FHIT: variants seen among roughly 807,000 people sequenced by gnomAD.
FHIT encodes the protein fragile histidine triad diadenosine triphosphatase.
Under a neutral mutation model 17.9 loss-of-function variants are expected in FHIT, and 19 were observed. That is an observed-to-expected ratio of 1.06 (90% confidence interval 0.74 to 1.56). The LOEUF (loss-of-function observed/expected upper bound fraction) is 1.56. FHIT is among the 40% of genes most tolerant of loss of function. The pLI is 0.00. For missense variants in FHIT, 248 were observed against 189.2 expected (o/e 1.31, Z -1.82); for synonymous variants, 81 against 69.7 (o/e 1.16, Z -0.81).
intron 5 of FHIT, among the ~76,000 whole-genome samples, chr3:60,298,980 G>A (rs1347168821): frequency 6.6e-6 from 1 of 152,070 alleles, no homozygotes; most frequent in Non-Finnish European, 1.5e-5. Flanking sequence ...TCCTTTGAAT[G>A]TAGCAATCCA....
intron 5 of FHIT, among the ~76,000 whole-genome samples, chr3:60,126,040 T>C (rs2178930): frequency 0.61 from 92,643 of 151,890 alleles, 28,569 homozygotes; most frequent in African/African-American, 0.65. Flanking sequence ...TTCTGGCTTC[T>C]CCTGCAAGTT....
At chr3:60,353,572 A>G (rs1186431486) in intron 5 of FHIT, among the ~76,000 whole-genome samples, 1 of 152,204 alleles carries the variant, frequency 6.6e-6, no homozygotes, top group Non-Finnish European at 1.5e-5. Context: ...AAGCATGAAT[A>G]CTGCTTGGCA....
intron 4 of FHIT, among the ~76,000 whole-genome samples, chr3:60,814,489 A>G (rs1701669682): frequency 6.6e-6 from 1 of 152,174 alleles, no homozygotes; most frequent in Non-Finnish European, 1.5e-5. Flanking sequence ...TTAAATTGCT[A>G]GGATAATGGT....
intron 7 of FHIT, among the ~76,000 whole-genome samples, chr3:59,981,742 C>T (rs1317197947): frequency 6.6e-6 from 1 of 152,092 alleles, no homozygotes; most frequent in East Asian, 1.9e-4. Context: ...ACACATAAAA[C>T]ATTTAATGTG....
chr3:59,986,876 T>C (rs1256053514), intron 7 of FHIT, among the ~76,000 whole-genome samples: 1 of 109,428 alleles, frequency 9.1e-6, no homozygotes, highest in African/African-American at 3.6e-5. Context: ...AAATATTTCA[T>C]ATTTTTATAT....
At chr3:59,835,181 T>C (rs1037886587) in intron 8 of FHIT, among the ~76,000 whole-genome samples, 1 of 152,152 alleles carries the variant, frequency 6.6e-6, no homozygotes, top group Admixed American at 6.5e-5. Context: ...TGGGCCAAAA[T>C]AGTCATTACC....
rs1297498775 is a variant in FHIT at position 60,761,043 on chromosome 3, T to C, written c.-18+60876A>G. ...TAGCTTTCTTATAAATTATCCCCAGTATGTAAAAGCCCAGCTCCTAGATAT... is the reference window on the plus strand; with the variant it reads ...TAGCTTTCTTATAAATTATCCCCAGCATGTAAAAGCCCAGCTCCTAGATAT... On this transcript the variant is annotated intron_variant, in intron 4 of 9. Coordinates refer to ENST00000492590, the MANE Select transcript of FHIT (RefSeq NM_002012.4). 2.0e-5 allele frequency among the ~76,000 whole-genome samples: 3 copies of C among 152,042 alleles called. No individual in the cohort carries two copies. The East Asian group carries it at 5.8e-4, about 29-fold the overall frequency.
chr3:60,028,729 T>C (rs1337565841), intron 5 of FHIT, among the ~76,000 whole-genome samples: 1 of 152,168 alleles, frequency 6.6e-6, no homozygotes, highest in African/African-American at 2.4e-5. Context: ...CCAATTGCGC[T>C]GATGTTCAGG....
rs113083968 is a variant in FHIT at position 61,005,432 on chromosome 3, C to CTGGTGA, written c.-111+36609_-111+36614dup. On this transcript the variant is annotated intron_variant, in intron 3 of 9. Coordinates refer to ENST00000492590, the MANE Select transcript of FHIT (RefSeq NM_002012.4). The stretch of plus-strand genomic sequence containing the variant: ...GATTGTGATGGTGATGGTGATGGTA[C>CTGGTGA]TGGTGATGGTGATGGTGATGGTGAC... Among the ~76,000 whole-genome samples, 286 of 151,940 alleles carry CTGGTGA rather than the reference C, an allele frequency of 1.9e-3. 1 individual carries two copies. Among genetic ancestry groups the CTGGTGA allele is most frequent in the Middle Eastern group, 3.4e-3 (1 of 294 alleles).
chr3:60,273,490 C>T (rs1706969330), intron 5 of FHIT, among the ~76,000 whole-genome samples: 1 of 151,910 alleles, frequency 6.6e-6, no homozygotes, highest in South Asian at 2.1e-4. Flanking sequence ...GGTGCCTGTC[C>T]TCCCAGCTAC....
chr3:61,197,884 T>C (rs1312387611), intron 2 of FHIT, among the ~76,000 whole-genome samples: 1 of 148,692 alleles, frequency 6.7e-6, no homozygotes, highest in Non-Finnish European at 1.5e-5. Flanking sequence ...TACATACACC[T>C]TCTTTGAGAG....
intron 3 of FHIT, among the ~76,000 whole-genome samples, chr3:60,822,665 G>T (rs151037568): frequency 2.2e-4 from 33 of 152,116 alleles, no homozygotes; most frequent in South Asian, 4.2e-4. Context: ...TATTTGAAGG[G>T]TACATTTATG....
chr3:60,360,704 A>C (rs1699872371), intron 5 of FHIT, among the ~76,000 whole-genome samples: 1 of 152,150 alleles, frequency 6.6e-6, no homozygotes, highest in Non-Finnish European at 1.5e-5. Context: ...TTTAATTCAA[A>C]ATCAATATGG....
intron 8 of FHIT, among the ~76,000 whole-genome samples, chr3:59,769,070 A>T (rs899433095): frequency 7.9e-5 from 12 of 152,234 alleles, no homozygotes; most frequent in African/African-American, 2.4e-4. Flanking sequence ...CTGCCAGCAG[A>T]AGGGCAAATA....
intron 3 of FHIT, among the ~76,000 whole-genome samples, chr3:60,922,166 G>C (rs1553768570): frequency 6.6e-6 from 1 of 152,172 alleles, no homozygotes; most frequent in Non-Finnish European, 1.5e-5. Flanking sequence ...TGACTTGGAA[G>C]GACTGCCTAT....
At chr3:59,815,896 A>C (rs1323060973) in intron 8 of FHIT, among the ~76,000 whole-genome samples, 1 of 152,212 alleles carries the variant, frequency 6.6e-6, no homozygotes, top group African/African-American at 2.4e-5. Context: ...AAATAAAAAA[A>C]AAATTTAAAT....
At chr3:59,961,357 A>C (rs1323565876) in intron 7 of FHIT, among the ~76,000 whole-genome samples, 2 of 152,160 alleles carry the variant, frequency 1.3e-5, no homozygotes. Flanking sequence ...GAGCACTAAA[A>C]TTTAACTAAC....
At chr3:61,037,663 G>A (rs1283170988) in intron 3 of FHIT, among the ~76,000 whole-genome samples, 3 of 152,198 alleles carry the variant, frequency 2.0e-5, no homozygotes, top group Non-Finnish European at 4.4e-5. Flanking sequence ...TATCAGAGAA[G>A]TGGGTTAGTT....
intron 4 of FHIT, among the ~76,000 whole-genome samples, chr3:60,576,217 A>C (rs1553657556): frequency 1.5e-5 from 2 of 134,480 alleles, no homozygotes; most frequent in African/African-American, 5.5e-5. Context: ...GAAATTAAGA[A>C]TATGATTGGT....
Sources: allele counts gnomAD v4.1 joint callset (sites outside exome capture counted in the v4.1 genomes callset), GRCh38; gene constraint gnomAD v4.1.1; transcripts MANE v1.5; gene names NCBI Gene and HGNC (gene_info 2026-07-23, HGNC 2026-07-21).